The following CTIF variants were observed in gnomAD, a reference collection of about 807,000 sequenced individuals.
The protein encoded by CTIF is cap binding complex dependent translation initiation factor.
CTIF carries 21 observed loss-of-function variants against 66.0 expected under a neutral mutation model. The observed-to-expected ratio is 0.32, with a 90% CI of 0.23 to 0.46. CTIF has a LOEUF of 0.46. Ranked by LOEUF, CTIF falls within the 20% of genes least tolerant of loss-of-function variation. The probability of loss-of-function intolerance (pLI) is 1.00; values close to 1 mark genes in which losing one functional copy is unlikely to be tolerated. For synonymous variants in CTIF, 345 were observed against 326.4 expected, an observed-to-expected ratio of 1.06 and a Z score of -0.62; for missense variants, 739 against 812.7, an observed-to-expected ratio of 0.91 and a Z score of 1.10.
chr18:48,684,937 G>C (rs182476473), intron 6 of CTIF, among the ~76,000 whole-genome samples: 12 of 151,728 alleles, frequency 7.9e-5, no homozygotes, highest in Admixed American at 7.2e-4. Context: ...ACAGAATACT[G>C]TTACATAACC....
At chr18:48,625,468 T>C (rs1270048949) in intron 2 of CTIF, among the ~76,000 whole-genome samples, 2 of 152,204 alleles carry the variant, frequency 1.3e-5, no homozygotes, top group Non-Finnish European at 2.9e-5. Flanking sequence ...ATATTAACAA[T>C]AAAATCTTCT....
At chr18:48,555,239 C>T (rs1411407550) in intron 1 of CTIF, among the ~76,000 whole-genome samples, 45 of 152,178 alleles carry the variant, frequency 3.0e-4, no homozygotes, top group African/African-American at 2.4e-5. Flanking sequence ...AATTTTTCTT[C>T]ATGGGCAGCT....
intron 1 of CTIF, among the ~76,000 whole-genome samples, chr18:48,541,376 G>T (rs929850219): frequency 6.6e-6 from 1 of 151,874 alleles, no homozygotes; most frequent in African/African-American, 2.4e-5. Flanking sequence ...GACACAGCGC[G>T]AGAGAGCGCC....
intron 6 of CTIF, among the ~76,000 whole-genome samples, chr18:48,674,976 C>G (rs1001945278): frequency 6.7e-6 from 1 of 149,284 alleles, no homozygotes; most frequent in Non-Finnish European, 1.5e-5. Context: ...GCATGACATG[C>G]CATACAATGG....
intron 10 of CTIF, among the ~76,000 whole-genome samples, chr18:48,844,804 C>T (rs575757214): frequency 6.3e-4 from 96 of 152,218 alleles, no homozygotes; most frequent in Non-Finnish European, 1.1e-3. Flanking sequence ...AATTTTGTAG[C>T]TTTGGTGCCA....
intron 2 of CTIF, among the ~76,000 whole-genome samples, chr18:48,627,456 C>G (rs142192942): frequency 6.6e-6 from 1 of 151,958 alleles, no homozygotes; most frequent in Non-Finnish European, 1.5e-5. Context: ...AGGTGACTCA[C>G]GCCTGTAATC....
At chr18:48,777,212 T>C (rs2146018318) in intron 9 of CTIF, among the ~76,000 whole-genome samples, 1 of 152,332 alleles carries the variant, frequency 6.6e-6, no homozygotes, top group Non-Finnish European at 1.5e-5. Context: ...GGCTTGTGTG[T>C]GCTGGCGGCA....
At chr18:48,599,542 T>A (rs1269603038) in intron 1 of CTIF, among the ~76,000 whole-genome samples, 1 of 152,182 alleles carries the variant, frequency 6.6e-6, no homozygotes, top group Admixed American at 6.5e-5. Flanking sequence ...CTACATATCA[T>A]GGTGTCATGA....
At chr18:48,787,913 G>A (rs1474435540) in intron 9 of CTIF, among the ~76,000 whole-genome samples, 1 of 152,216 alleles carries the variant, frequency 6.6e-6, no homozygotes, top group East Asian at 1.9e-4. Flanking sequence ...CAGTGCCAAG[G>A]GTTGGAGGTC....
chr18:48,598,691 C>T (rs1276710507), intron 1 of CTIF, among the ~76,000 whole-genome samples: 1 of 152,108 alleles, frequency 6.6e-6, no homozygotes, highest in African/African-American at 2.4e-5. Flanking sequence ...CCATTGTGGT[C>T]AACAGAGAGG....
chr18:48,812,294 A>G (rs953509378), intron 9 of CTIF, among the ~76,000 whole-genome samples: 8 of 152,194 alleles, frequency 5.3e-5, no homozygotes, highest in African/African-American at 1.7e-4. Context: ...CAACTGCAGC[A>G]TTGAATTTTT....
In CTIF at chr18:48,691,297, C is replaced by T. The variant is rs116572871; in HGVS notation, c.508-20322C>T. Among the ~76,000 whole-genome samples the T allele has an allele frequency of 5.9e-3, 894 of 152,308 alleles. 12 individuals carry two copies. The highest frequency in any genetic ancestry group is 0.02 in the African/African-American group (846 of 41,568). ...GTGCCCAAGGGCCACTCTGGGTGTT[C>T]GTGGCCCTCTGGTGCCGAAGACAAT... On this transcript the variant is annotated intron_variant, in intron 6 of 11. Transcript: ENST00000256413.
chr18:48,595,615 T>TG (rs1439819257), intron 1 of CTIF, among the ~76,000 whole-genome samples: 16 of 152,146 alleles, frequency 1.1e-4, no homozygotes, highest in South Asian at 8.3e-4. Context: ...TTTGTAGGGT[T>TG]GGGGTCTCTG....
intron 2 of CTIF, among the ~76,000 whole-genome samples, chr18:48,623,492 T>A (rs1384635026): frequency 2.6e-5 from 4 of 151,606 alleles, no homozygotes; most frequent in Non-Finnish European, 5.9e-5. Context: ...AAAAATTCTC[T>A]ATTAACACAG....
chr18:48,817,449 G>A (rs2146329120), intron 10 of CTIF, 73 bp downstream of exon 10: 1 of 1,514,000 alleles, frequency 6.6e-7, no homozygotes, highest in Non-Finnish European at 8.9e-7. Flanking sequence ...CAGATAACTG[G>A]GACAAAGCTG....
chr18:48,707,008 G>A (rs1175665559), intron 6 of CTIF, among the ~76,000 whole-genome samples: 2 of 152,244 alleles, frequency 1.3e-5, no homozygotes, highest in Admixed American at 1.3e-4. Flanking sequence ...GCAGGGCCTG[G>A]TGGGTAGTCC....
rs144584178 is a variant in CTIF at position 48,695,916 on chromosome 18, T to C, written c.508-15703T>C. On this transcript the variant is annotated intron_variant, in intron 6 of 11. Coordinates refer to ENST00000256413, the MANE Select transcript of CTIF (RefSeq NM_014772.3). ...CCATTGTTGGGCTGTCTCCTCCGCA[T>C]GTGACTCGGCTCAAAGATGCCCAAG... is the stretch of plus-strand genomic sequence containing the variant. Among the ~76,000 whole-genome samples the C allele has an allele frequency of 4.7e-3, 710 of 152,356 alleles. 1 individual carries two copies. Among genetic ancestry groups the C allele is most frequent in the African/African-American group, 0.016 (671 of 41,602 alleles).
At chr18:48,842,337 G>A (rs1206373043) in intron 10 of CTIF, among the ~76,000 whole-genome samples, 1 of 152,196 alleles carries the variant, frequency 6.6e-6, no homozygotes, top group Non-Finnish European at 1.5e-5. Flanking sequence ...CTGCCTTGAA[G>A]CCTGTGAGGC....
chr18:48,850,731 G>A (rs2069181294), intron 10 of CTIF, among the ~76,000 whole-genome samples: 1 of 152,238 alleles, frequency 6.6e-6, no homozygotes, highest in Admixed American at 6.5e-5. Flanking sequence ...AGGCAGGCCA[G>A]ACCCTTGTTC....
Sources: gnomAD v4.1 joint callset for allele counts (sites outside exome capture counted in the v4.1 genomes callset) on GRCh38, gnomAD v4.1.1 for gene constraint, MANE v1.5 for transcripts, NCBI Gene and HGNC (gene_info 2026-07-23, HGNC 2026-07-21) for gene names.